Variants in NUDT5 observed in about 807,000 individuals in gnomAD.
NUDT5 encodes the protein ADP-sugar pyrophosphatase.
NUDT5 carries 21 observed loss-of-function variants against 34.1 expected under a neutral mutation model. That is an observed-to-expected ratio of 0.62 (90% CI 0.44 to 0.89). NUDT5 has a LOEUF of 0.89. Ranked by LOEUF, NUDT5 falls within the 40% of genes least tolerant of loss-of-function variation. NUDT5 has a pLI of 0.00. For missense variants in NUDT5, 249 were observed against 274.8 expected (o/e 0.91, Z 0.66); for synonymous variants, 85 against 97.6 (o/e 0.87, Z 0.76).
chr10:12,188,957 A>C (rs900800776), intron 1 of NUDT5, among the ~76,000 whole-genome samples: 1 of 152,218 alleles, frequency 6.6e-6, no homozygotes, highest in African/African-American at 2.4e-5. Flanking sequence ...TAATTTGGTG[A>C]CTTCTGAATG....
intron 1 of NUDT5, among the ~76,000 whole-genome samples, chr10:12,193,177 G>A (rs1051422854): frequency 1.3e-5 from 2 of 152,178 alleles, no homozygotes; most frequent in South Asian, 2.1e-4. Flanking sequence ...GGAGATGACA[G>A]GTCTGGAGTA....
chr10:12,191,922 G>C (rs2131720348), intron 1 of NUDT5, among the ~76,000 whole-genome samples: 1 of 152,220 alleles, frequency 6.6e-6, no homozygotes, highest in South Asian at 2.1e-4. Flanking sequence ...TCTGCAGTTG[G>C]CACTGAGGCT....
intron 6 of NUDT5, 85 bp from the exon 7 acceptor site, chr10:12,172,951 C>A: frequency 2.0e-6 from 2 of 979,298 alleles, no homozygotes; most frequent in Non-Finnish European, 3.2e-6. Flanking sequence ...CGTCCCGCAG[C>A]TCAGCATTGA....
In NUDT5 at chr10:12,173,794, T is replaced by C. The variant is rs1000329986; in HGVS notation, c.309A>G (p.Glu103=). The change falls in exon 6 of 10, where the codon GAA becomes GAG. Residue 103 remains glutamate, a synonymous_variant. Transcript: ENST00000491614. This position sits in a 1 kb window ranked among gnomAD's most constrained non-coding sequence, Gnocchi z 4.7. ...EFPAGLIDDG[E]TPEAAALREL... ...CCCGGAGAGCAGCTGCTTCTGGGGT[T>C]TCACCATCATCTATGAGACCTGCAA... The C allele has an allele frequency of 3.1e-6, 5 of 1,613,806 alleles. No individual in the cohort carries two copies. In the Admixed American group the frequency reaches 8.3e-5, roughly 27 times the overall value.
intron 4 of NUDT5, 122 bp downstream of exon 4, chr10:12,178,961 C>A: frequency 1.2e-6 from 1 of 847,604 alleles, no homozygotes; most frequent in Non-Finnish European, 2.0e-6. Context: ...ATGGCAAAAC[C>A]TAAGCGGAGA....
rs1834697196 is a variant in NUDT5 at position 12,166,458 on chromosome 10, A to C, written c.*1244T>G. The C allele has an allele frequency of 4.2e-6, 1 of 238,144 alleles. No homozygotes were observed. Among genetic ancestry groups the C allele is most frequent in the South Asian group, 4.8e-5 (1 of 20,924 alleles). 14.8% of individuals were successfully genotyped at this position (238,144 alleles called of 1,614,324 possible). A position where few individuals can be genotyped will look rare whatever the true frequency, so the allele number is the denominator to read the frequency against. On this transcript the variant is annotated 3_prime_UTR_variant, in exon 10 of 10. Transcript: ENST00000491614. ...TTCATCTGTAAAGTTCTGTATTTCC[A>C]TAATTGTTTTATCTTTAGGAAGTCC...
chr10:12,186,313 C>A lies in NUDT5; in HGVS notation c.-22G>T, dbSNP rs909881612. The A allele has an allele frequency of 1.3e-6, 2 of 1,572,878 alleles. No individual in the cohort carries two copies. The highest frequency in any genetic ancestry group is 2.7e-5 in the African/African-American group (2 of 74,220). On this transcript the variant is annotated 5_prime_UTR_variant, in exon 2 of 10. Transcript: ENST00000491614. ...CCATTTTCAAACGAGTCTTTACAGCCCTCAGGTGAGAAGTTCACCCTGCAA... is the reference window on the plus strand; with the variant it reads ...CCATTTTCAAACGAGTCTTTACAGCACTCAGGTGAGAAGTTCACCCTGCAA...
rs1462016906 is a variant in NUDT5 at position 12,172,851 on chromosome 10, G to C, written c.401C>G (p.Pro134Arg). 2 of 1,613,810 alleles carry C rather than the reference G, an allele frequency of 1.2e-6. No individual in the cohort carries two copies. The highest frequency in any genetic ancestry group is 1.7e-6 in the Non-Finnish European group (2 of 1,179,790). The change falls in exon 7 of 10, where the codon CCA (proline) becomes CGA (arginine). Residue 134 changes from proline to arginine, a missense_variant. Physicochemically the swap from Pro to Arg is moderately radical, Grantham distance 103. Transcript: ENST00000491614. The stretch of plus-strand genomic sequence containing the variant: ...GTGTATAGTACAGTTTGACAAGCCT[G>C]GGTCCATACAGACCGCTGTGGAGAG... Reference protein sequence around the residue: ...AECSPAVCMDPGLSNCTIHIV... With the variant: ...AECSPAVCMDRGLSNCTIHIV...
At chr10:12,190,347 G>A (rs1373265237) in intron 1 of NUDT5, among the ~76,000 whole-genome samples, 2 of 152,174 alleles carry the variant, frequency 1.3e-5, no homozygotes, top group Non-Finnish European at 2.9e-5. Flanking sequence ...CTAGTGAGGG[G>A]AAATGCTGTA....
chr10:12,186,241 G>T lies in NUDT5; in HGVS notation c.51C>A (p.Ile17=). 6.2e-7 allele frequency: 1 copy of T among 1,613,156 alleles called. No homozygotes were observed. Among genetic ancestry groups the T allele is most frequent in the Non-Finnish European group, 8.5e-7 (1 of 1,179,068 alleles). The change falls in exon 2 of 10, where the codon ATC becomes ATA. Residue 17 remains isoleucine (I), a synonymous_variant. Coordinates refer to ENST00000491614, the MANE Select transcript of NUDT5 (RefSeq NM_014142.4). ...TESSQNGKQY[I]ISEELISEGK... is the part of the protein sequence containing the mutation. ...AAACAAGTTATACCTCCTCTGAAAT[G>T]ATATACTGTTTGCCATTCTGAGAAG...
Position 12,173,829 on chromosome 10 carries a change from A to T in NUDT5, c.290-16T>A. On this transcript the variant is annotated splice_polypyrimidine_tract_variant and intron_variant, in intron 5 of 9. Transcript: ENST00000491614. The surrounding 1 kb of genome is among the most constrained non-coding windows in gnomAD (Gnocchi z 4.7). Reference sequence around the variant, plus strand: ...TCTATGAGACCTGCAAGTCCAAATCATTGGTGTGATGGGAGCGGGAAATCC... The same window carrying T: ...TCTATGAGACCTGCAAGTCCAAATCTTTGGTGTGATGGGAGCGGGAAATCC... 2.0e-5 allele frequency: 31 copies of T among 1,577,284 alleles called. No individual in the cohort carries two copies. The highest frequency in any genetic ancestry group is 2.7e-5 in the Non-Finnish European group (31 of 1,148,470).
chr10:12,192,226 C>G (rs780297435), intron 1 of NUDT5, among the ~76,000 whole-genome samples: 1 of 151,422 alleles, frequency 6.6e-6, no homozygotes, highest in African/African-American at 2.4e-5. Flanking sequence ...ATCGCTTGAA[C>G]GAGGGAGGTG....
At chr10:12,190,646 A>G (rs1442041101) in intron 1 of NUDT5, among the ~76,000 whole-genome samples, 1 of 147,998 alleles carries the variant, frequency 6.8e-6, no homozygotes, top group East Asian at 2.0e-4. Flanking sequence ...TCTCGCTGCA[A>G]CACCCAGGCT....
intron 1 of NUDT5, among the ~76,000 whole-genome samples, chr10:12,191,351 C>T (rs1450553427): frequency 6.6e-6 from 1 of 152,028 alleles, no homozygotes; most frequent in Admixed American, 6.6e-5. Context: ...CCACTGCACT[C>T]CAGCCTAGGC....
Position 12,173,868 on chromosome 10 carries a change from C to G in NUDT5, c.290-55G>C. 3 of 1,250,276 alleles carry G rather than the reference C, an allele frequency of 2.4e-6. 1 individual carries two copies. The highest frequency in any genetic ancestry group is 3.3e-6 in the Non-Finnish European group (3 of 913,384). The allele number at this position is 1,250,276 out of a possible 1,614,324, so 77.4% of individuals were successfully genotyped here. A position where few individuals can be genotyped will look rare whatever the true frequency, so the allele number is the denominator to read the frequency against. On this transcript the variant is annotated intron_variant, in intron 5 of 9. Coordinates refer to ENST00000491614, the MANE Select transcript of NUDT5 (RefSeq NM_014142.4). This position sits in a 1 kb window ranked among gnomAD's most constrained non-coding sequence, Gnocchi z 4.7. ...AGCGGGAAATCCGGTTCTTTAAACC[C>G]TCCTTTTTTTTTTTTTGAGATGGAG...
At position 12,172,752 on chromosome 10, in the gene NUDT5, G is replaced by A. The variant is rs116737347; in HGVS notation, c.487+13C>T. ...CAACCACACCACCTTCATCACAGCC[G>A]ACACACACATACCTGGCTTTGGCTT... On this transcript the variant is annotated intron_variant, in intron 7 of 9. Transcript: ENST00000491614. The A allele has an allele frequency of 4.7e-4, 747 of 1,594,644 alleles. 4 individuals carry two copies. The African/African-American group carries it at 8.9e-3, about 19-fold the overall frequency.
chr10:12,184,387 A>G, intron 3 of NUDT5: 1 of 927,254 alleles, frequency 1.1e-6, no homozygotes, highest in Non-Finnish European at 1.6e-6. Flanking sequence ...AACTGGGATT[A>G]CTCGGTCAAA....
chr10:12,184,947 C>A lies in NUDT5; in HGVS notation c.73G>T (p.Glu25Ter). ...QYIISEELIS[E>*]GKWVKLEKTT... ...TTTTCAAGCTTGACCCATTTTCCTTCTGAAATTAACTAAAAGGATATCAGA... is the reference window on the plus strand; with the variant it reads ...TTTTCAAGCTTGACCCATTTTCCTTATGAAATTAACTAAAAGGATATCAGA... Residue 25 changes from glutamate (E) to a stop codon, truncating the protein, a stop_gained, in exon 3 of 10, where the codon GAA becomes TAA. Coordinates refer to ENST00000491614, the MANE Select transcript of NUDT5 (RefSeq NM_014142.4). LOFTEE classifies it high-confidence loss of function. 1 of 1,551,656 alleles carries A rather than the reference C, an allele frequency of 6.4e-7. No individual in the cohort carries two copies. Among genetic ancestry groups the A allele is most frequent in the Non-Finnish European group, 8.9e-7 (1 of 1,127,278 alleles).
chr10:12,193,668 T>A (rs1489167364), intron 1 of NUDT5, among the ~76,000 whole-genome samples: 3 of 152,210 alleles, frequency 2.0e-5, no homozygotes, highest in Non-Finnish European at 4.4e-5. Context: ...GCTGGTTAAA[T>A]GTGTAACAAG....
Sources: gnomAD v4.1 joint callset for allele counts (sites outside exome capture counted in the v4.1 genomes callset) on GRCh38, gnomAD v4.1.1 for gene constraint, Gnocchi (gnomAD v3.1) non-coding constraint, MANE v1.5 for transcripts, NCBI Gene and HGNC (gene_info 2026-07-23, HGNC 2026-07-21) for gene names.